Variants in TDRD3 observed in about 807,000 individuals in gnomAD.
The protein encoded by TDRD3 is tudor domain-containing protein 3.
In TDRD3, 45 loss-of-function variants were observed where a neutral mutation model predicts 86.7. The ratio of observed to expected loss-of-function variants is 0.52; its 90% CI spans 0.41 to 0.67. The LOEUF (loss-of-function observed/expected upper bound fraction) is 0.67, where lower values mean the gene tolerates loss of function less well. Ranked by LOEUF, TDRD3 falls within the 30% of genes least tolerant of loss-of-function variation. The pLI is 0.00. For synonymous variants in TDRD3, 298 were observed against 301.7 expected, an observed-to-expected ratio of 0.99 and a Z score of 0.13; for missense variants, 814 against 889.0, an observed-to-expected ratio of 0.92 and a Z score of 1.07.
chr13:60,405,276 AT>A (rs1017757993), intron 1 of TDRD3, among the ~76,000 whole-genome samples: 4 of 152,184 alleles, frequency 2.6e-5, no homozygotes, highest in Non-Finnish European at 5.9e-5. Flanking sequence ...GCCTCAACAA[AT>A]AATTCTTAAA....
chr13:60,456,226 T>C (rs2138033626), intron 3 of TDRD3, among the ~76,000 whole-genome samples: 2 of 152,266 alleles, frequency 1.3e-5, no homozygotes, highest in East Asian at 3.9e-4. Flanking sequence ...AACTTTGGAG[T>C]CTGATTGATA....
chr13:60,529,929 G>C (rs1242968076), intron 11 of TDRD3, among the ~76,000 whole-genome samples: 1 of 152,056 alleles, frequency 6.6e-6, no homozygotes, highest in Non-Finnish European at 1.5e-5. Flanking sequence ...GAAAGGGACA[G>C]AGGGACCATC....
intron 12 of TDRD3, among the ~76,000 whole-genome samples, chr13:60,564,836 G>C (rs1958412328): frequency 6.6e-6 from 1 of 152,094 alleles, no homozygotes; most frequent in Admixed American, 6.6e-5. Flanking sequence ...AAAATAAACT[G>C]ATCTATTAAA....
intron 10 of TDRD3, among the ~76,000 whole-genome samples, chr13:60,521,358 G>T (rs1957281230): frequency 6.6e-6 from 1 of 151,866 alleles, no homozygotes; most frequent in Admixed American, 6.6e-5. Context: ...CCACCTATTT[G>T]CCTGATTCTG....
chr13:60,533,349 T>C (rs927411445), intron 11 of TDRD3, among the ~76,000 whole-genome samples: 6 of 152,104 alleles, frequency 3.9e-5, no homozygotes, highest in Non-Finnish European at 7.4e-5. Flanking sequence ...TCTTAAGAGA[T>C]ACTATTATTG....
At chr13:60,421,233 C>T (rs1270632736) in intron 1 of TDRD3, among the ~76,000 whole-genome samples, 1 of 152,034 alleles carries the variant, frequency 6.6e-6, no homozygotes, top group African/African-American at 2.4e-5. Context: ...TTCCATATGG[C>T]TCAGGAGGCC....
At chr13:60,406,393 A>G (rs1954234082) in intron 1 of TDRD3, among the ~76,000 whole-genome samples, 1 of 152,212 alleles carries the variant, frequency 6.6e-6, no homozygotes, top group Non-Finnish European at 1.5e-5. Flanking sequence ...GGATCTCAGT[A>G]ATTTTTATAT....
At chr13:60,536,448 T>C (rs1374921414) in intron 12 of TDRD3, 1 of 152,098 alleles carries the variant, frequency 6.6e-6, no homozygotes, top group Non-Finnish European at 1.5e-5. Flanking sequence ...TGGAGAAATT[T>C]GGTGTAACCA....
chr13:60,525,005 T>G (rs1957380047), intron 10 of TDRD3, among the ~76,000 whole-genome samples: 2 of 134,848 alleles, frequency 1.5e-5, no homozygotes, highest in East Asian at 4.5e-4. Context: ...GAGAATCACT[T>G]GAACCCGGGA....
At chr13:60,567,421 G>A (rs1958485645) in intron 12 of TDRD3, 104 bp from the exon 13 acceptor site, 5 of 1,439,802 alleles carry the variant, frequency 3.5e-6, no homozygotes, top group Non-Finnish European at 4.8e-6. Flanking sequence ...GAATTCCAGG[G>A]CAGCTTAAGA....
chr13:60,431,112 T>C (rs931164506), intron 1 of TDRD3, among the ~76,000 whole-genome samples: 1 of 152,050 alleles, frequency 6.6e-6, no homozygotes, highest in African/African-American at 2.4e-5. Context: ...TGAGTTTTTT[T>C]TAAACCCTGA....
intron 1 of TDRD3, among the ~76,000 whole-genome samples, chr13:60,402,691 C>CTTTTTTTT (rs35984156): frequency 1.4e-5 from 1 of 73,272 alleles, no homozygotes; most frequent in Non-Finnish European, 2.5e-5. Flanking sequence ...AAACCAATTG[C>CTTTTTTTT]TTTTTTTTTT....
chr13:60,548,559 TTTTTA>T (rs1331100345), intron 12 of TDRD3, among the ~76,000 whole-genome samples: 1 of 152,204 alleles, frequency 6.6e-6, no homozygotes, highest in Non-Finnish European at 1.5e-5. Context: ...ATTAAAGATT[TTTTTA>T]TTTTGTTTTT....
At chr13:60,458,473 A>G (rs1361448695) in intron 3 of TDRD3, among the ~76,000 whole-genome samples, 1 of 152,200 alleles carries the variant, frequency 6.6e-6, no homozygotes, top group Non-Finnish European at 1.5e-5. Context: ...CCTGTGTTGT[A>G]TGGATTGAAT....
chr13:60,569,902 CATA>C (rs1555295377), intron 13 of TDRD3, among the ~76,000 whole-genome samples: 1 of 152,202 alleles, frequency 6.6e-6, no homozygotes, highest in Non-Finnish European at 1.5e-5. Context: ...CTACTCTCAT[CATA>C]AGCAAAAATC....
chr13:60,554,433 C>T (rs1327593405), intron 12 of TDRD3, among the ~76,000 whole-genome samples: 1 of 152,084 alleles, frequency 6.6e-6, no homozygotes, highest in Non-Finnish European at 1.5e-5. Flanking sequence ...CATTGCTTTA[C>T]AATATAGACA....
chr13:60,458,702 A>G (rs559187250), intron 3 of TDRD3, among the ~76,000 whole-genome samples: 1 of 152,318 alleles, frequency 6.6e-6, no homozygotes, highest in East Asian at 1.9e-4. Context: ...TGTGCTCTCC[A>G]TATATAGAAC....
chr13:60,519,841 T>G (rs1277439708), intron 10 of TDRD3, among the ~76,000 whole-genome samples: 1 of 152,132 alleles, frequency 6.6e-6, no homozygotes, highest in African/African-American at 2.4e-5. Context: ...ATGTGAGAAA[T>G]TTTACTAAAC....
chr13:60,456,908 C>CT (rs1289890362), intron 3 of TDRD3, among the ~76,000 whole-genome samples: 1 of 152,062 alleles, frequency 6.6e-6, no homozygotes, highest in African/African-American at 2.4e-5. Flanking sequence ...GTTGCCCAGG[C>CT]TGGTCTCAAA....
Sources: allele counts gnomAD v4.1 joint callset (sites outside exome capture counted in the v4.1 genomes callset), GRCh38; gene constraint gnomAD v4.1.1; transcripts MANE v1.5; gene names NCBI Gene and HGNC (gene_info 2026-07-23, HGNC 2026-07-21).